Variants in DTL observed in about 807,000 individuals in gnomAD.
The protein encoded by DTL is denticleless protein homolog.
In DTL, 46 loss-of-function variants were observed where a neutral mutation model predicts 87.0. The observed-to-expected ratio is 0.53, with a 90% CI of 0.42 to 0.68. The LOEUF (loss-of-function observed/expected upper bound fraction) is 0.68, where lower values mean the gene tolerates loss of function less well. DTL is among the 30% of genes least tolerant of loss of function. DTL has a pLI of 0.00. For synonymous variants in DTL, 308 were observed against 311.2 expected (o/e 0.99, Z 0.11); for missense variants, 737 against 869.4 (o/e 0.85, Z 1.91).
At chr1:212,038,493 C>T (rs1271270162) in intron 1 of DTL, among the ~76,000 whole-genome samples, 2 of 152,226 alleles carry the variant, frequency 1.3e-5, no homozygotes, top group Non-Finnish European at 2.9e-5. Flanking sequence ...TTAAAGACTT[C>T]TTCATCTTCC....
intron 11 of DTL, among the ~76,000 whole-genome samples, chr1:212,073,525 G>A (rs542682514): frequency 1.3e-5 from 2 of 152,276 alleles, no homozygotes; most frequent in East Asian, 3.9e-4. Context: ...GGTAAAACCT[G>A]TTTAGTATGA....
intron 11 of DTL, among the ~76,000 whole-genome samples, chr1:212,074,286 G>C (rs1457638548): frequency 2.0e-5 from 3 of 148,604 alleles, no homozygotes; most frequent in Non-Finnish European, 3.0e-5. Flanking sequence ...CTTGTGTAAA[G>C]TTTTCTTGAC....
intron 2 of DTL, among the ~76,000 whole-genome samples, chr1:212,043,361 A>G (rs542849816): frequency 4.8e-4 from 73 of 152,334 alleles, no homozygotes; most frequent in African/African-American, 1.4e-3. Flanking sequence ...AAAAATCAAT[A>G]TAAGGAAGGG....
intron 13 of DTL, among the ~76,000 whole-genome samples, chr1:212,096,904 G>T (rs904033011): frequency 3.3e-5 from 5 of 152,012 alleles, no homozygotes; most frequent in African/African-American, 7.3e-5. Context: ...TTTGTTCTAG[G>T]GTATAAGTCC....
rs1667697424 is a variant in DTL at position 212,042,882 on chromosome 1, T to C, written c.53-111T>C. 3.0e-6 allele frequency: 3 copies of C among 1,010,394 alleles called. No individual in the cohort carries two copies. In the African/African-American group the frequency reaches 5.0e-5, roughly 17 times the overall value. 62.6% of individuals were successfully genotyped at this position (1,010,394 alleles called of 1,614,324 possible). On this transcript the variant is annotated intron_variant, in intron 1 of 14. Transcript: ENST00000366991. Reference sequence around the variant, plus strand: ...TCCATAGATATTAATAGTAAGTGGATCTATGTTAATATCTAAAGTTTCTTA... The same window carrying C: ...TCCATAGATATTAATAGTAAGTGGACCTATGTTAATATCTAAAGTTTCTTA...
rs545182260 is a variant in DTL at position 212,047,593 on chromosome 1, C to T, written c.460+176C>T. ...TGTTGCCCAGGCTGGAGTGCAGTGG[C>T]GCCATCTCGGCTCACTGCTACCTCC... On this transcript the variant is annotated intron_variant, in intron 5 of 14. Coordinates refer to ENST00000366991, the MANE Select transcript of DTL (RefSeq NM_016448.4). 1.2e-4 allele frequency among the ~76,000 whole-genome samples: 18 copies of T among 152,280 alleles called. No individual in the cohort carries two copies. In the South Asian group the frequency reaches 2.1e-3, roughly 18 times the overall value.
chr1:212,063,290 A>T (rs1487363667), intron 6 of DTL, among the ~76,000 whole-genome samples: 1 of 148,744 alleles, frequency 6.7e-6, no homozygotes, highest in Admixed American at 6.7e-5. Flanking sequence ...TTATTTTATT[A>T]TTATTATTTT....
intron 13 of DTL, among the ~76,000 whole-genome samples, chr1:212,092,927 T>C (rs954785950): frequency 6.6e-6 from 1 of 152,162 alleles, no homozygotes. Context: ...ACCCCAATGA[T>C]GGCCATTCTT....
intron 3 of DTL, among the ~76,000 whole-genome samples, chr1:212,046,442 C>T (rs920824329): frequency 1.3e-5 from 2 of 152,188 alleles, no homozygotes; most frequent in Non-Finnish European, 2.9e-5. Context: ...TTCTCCCTCT[C>T]CATGCTCCCC....
At chr1:212,044,975 C>T (rs1451176113) in intron 3 of DTL, among the ~76,000 whole-genome samples, 2 of 152,178 alleles carry the variant, frequency 1.3e-5, no homozygotes, top group Non-Finnish European at 2.9e-5. Flanking sequence ...GCCCCCACTC[C>T]TGGCAGAAGG....
intron 13 of DTL, among the ~76,000 whole-genome samples, chr1:212,081,492 G>A (rs1654989694): frequency 6.6e-6 from 1 of 152,246 alleles, no homozygotes; most frequent in Non-Finnish European, 1.5e-5. Flanking sequence ...GAGCAGAAGA[G>A]TATCATAATT....
At chr1:212,078,090 T>C in intron 11 of DTL, 83 bp from the exon 12 acceptor site, 1 of 847,442 alleles carries the variant, frequency 1.2e-6, no homozygotes, top group East Asian at 2.5e-5. Context: ...TAAAGCTCTC[T>C]AAGACACACT....
chr1:212,063,350 G>A (rs1019007133), intron 6 of DTL, among the ~76,000 whole-genome samples: 4 of 149,606 alleles, frequency 2.7e-5, no homozygotes, highest in South Asian at 2.1e-4. Flanking sequence ...GTGCAGTGGC[G>A]TGAACTTGGC....
rs368458818 is a variant in DTL, at chr1:212,094,789, T to C, written c.1262-5463T>C. On this transcript the variant is annotated intron_variant, in intron 13 of 14. Coordinates refer to ENST00000366991, the MANE Select transcript of DTL (RefSeq NM_016448.4). Reference sequence around the variant, plus strand: ...CATCTGATTTCTTTTAGCAGTGTTTTGTAGTTTTCCTTGTAGAGGTCTTTT... The same window carrying C: ...CATCTGATTTCTTTTAGCAGTGTTTCGTAGTTTTCCTTGTAGAGGTCTTTT... Among the ~76,000 whole-genome samples, 55 of 152,336 alleles carry C rather than the reference T, an allele frequency of 3.6e-4. 2 individuals are homozygous for C. In the South Asian group the frequency reaches 0.011, roughly 30 times the overall value.
intron 13 of DTL, among the ~76,000 whole-genome samples, chr1:212,085,890 T>G (rs1220988120): frequency 6.6e-6 from 1 of 152,354 alleles, no homozygotes; most frequent in Middle Eastern, 3.4e-3. Context: ...CTTTAGCCCA[T>G]TGAATCGTCA....
intron 1 of DTL, among the ~76,000 whole-genome samples, chr1:212,037,076 C>G (rs1571933188): frequency 6.6e-6 from 1 of 152,160 alleles, no homozygotes; most frequent in African/African-American, 2.4e-5. Flanking sequence ...ACTTCTTTGT[C>G]CTCTGTTTAA....
intron 5 of DTL, among the ~76,000 whole-genome samples, chr1:212,047,725 G>A (rs546433067): frequency 6.6e-6 from 1 of 152,018 alleles, no homozygotes; most frequent in Non-Finnish European, 1.5e-5. Context: ...TAGTAGAGAC[G>A]GGGTTTCACC....
chr1:212,072,271 T>G, intron 11 of DTL, 58 bp downstream of exon 11: 1 of 1,296,824 alleles, frequency 7.7e-7, no homozygotes, highest in Non-Finnish European at 1.1e-6. Flanking sequence ...CAAATATTTG[T>G]TCTGTCCAAT....
chr1:212,087,522 C>A (rs1655165972), intron 13 of DTL, among the ~76,000 whole-genome samples: 1 of 151,754 alleles, frequency 6.6e-6, no homozygotes, highest in Non-Finnish European at 1.5e-5. Flanking sequence ...TGCACTCCAG[C>A]CTGAGCGACA....
Sources: gnomAD v4.1 joint callset for allele counts (sites outside exome capture counted in the v4.1 genomes callset) on GRCh38, gnomAD v4.1.1 for gene constraint, MANE v1.5 for transcripts, NCBI Gene and HGNC (gene_info 2026-07-23, HGNC 2026-07-21) for gene names.